TRPM1: variants seen among roughly 807,000 people sequenced by gnomAD.
TRPM1 encodes transient receptor potential cation channel subfamily M member 1, also known as TRPM1-203 APA Isoform, Intron 10.
In TRPM1, 113 loss-of-function variants were observed where a neutral mutation model predicts 149.4. The ratio of observed to expected loss-of-function variants is 0.76; its 90% CI spans 0.65 to 0.88. TRPM1 has a LOEUF of 0.88. Ranked by LOEUF, TRPM1 falls within the 40% of genes least tolerant of loss-of-function variation. The pLI, the probability that TRPM1 is intolerant of heterozygous loss-of-function variation, is 0.00. For missense variants in TRPM1, 1,976 were observed against 2,038.7 expected (o/e 0.97, Z 0.59); for synonymous variants, 741 against 759.5 (o/e 0.98, Z 0.40).
At chr15:31,138,624 G>A (rs558936369) in intron 1 of TRPM1, among the ~76,000 whole-genome samples, 65 of 152,186 alleles carry the variant, frequency 4.3e-4, no homozygotes, top group African/African-American at 1.3e-3. Context: ...TTGGGAGTCC[G>A]AGGCAGGAGG....
intron 27 of TRPM1, among the ~76,000 whole-genome samples, chr15:31,006,900 T>C (rs1467358135): frequency 6.6e-6 from 1 of 152,210 alleles, no homozygotes; most frequent in Non-Finnish European, 1.5e-5. Flanking sequence ...TTTATGTACA[T>C]ATTTAACAAC....
At chr15:31,142,655 T>G (rs1270200861) in intron 1 of TRPM1, among the ~76,000 whole-genome samples, 1 of 152,232 alleles carries the variant, frequency 6.6e-6, no homozygotes, top group African/African-American at 2.4e-5. Context: ...ATCTTATTTT[T>G]GATCAAGTCT....
intron 7 of TRPM1, among the ~76,000 whole-genome samples, chr15:31,065,809 C>T (rs959843542): frequency 6.6e-6 from 1 of 152,194 alleles, no homozygotes; most frequent in African/African-American, 2.4e-5. Flanking sequence ...CACTGGGCAA[C>T]AGGGTGGGCA....
chr15:31,020,393 A>G (rs1383678900), intron 27 of TRPM1, among the ~76,000 whole-genome samples: 1 of 152,202 alleles, frequency 6.6e-6, no homozygotes, highest in Non-Finnish European at 1.5e-5. Flanking sequence ...TTTTGGGCGC[A>G]TGGCCTCCTT....
chr15:31,009,771 G>A (rs911783734), intron 27 of TRPM1, among the ~76,000 whole-genome samples: 14 of 151,956 alleles, frequency 9.2e-5, no homozygotes, highest in African/African-American at 3.1e-4. Flanking sequence ...ATTTTCTGTT[G>A]TAATATCTTC....
chr15:31,114,955 G>A (rs2141028576), intron 1 of TRPM1, among the ~76,000 whole-genome samples: 1 of 152,326 alleles, frequency 6.6e-6, no homozygotes, highest in African/African-American at 2.4e-5. Flanking sequence ...TATCTTGCAG[G>A]AGTTAAAATA....
chr15:31,089,529 C>G (rs2035160303), intron 1 of TRPM1, among the ~76,000 whole-genome samples: 4 of 152,198 alleles, frequency 2.6e-5, no homozygotes, highest in Non-Finnish European at 5.9e-5. Flanking sequence ...TAGCACATTC[C>G]CGGGCAGCGG....
At chr15:31,117,541 G>A (rs1308874425) in intron 1 of TRPM1, among the ~76,000 whole-genome samples, 3 of 151,656 alleles carry the variant, frequency 2.0e-5, no homozygotes, top group African/African-American at 7.3e-5. Flanking sequence ...CCAGCTATCT[G>A]GGAGGCTGAG....
chr15:31,078,584 T>C (rs1356328096), intron 2 of TRPM1, among the ~76,000 whole-genome samples: 2 of 152,248 alleles, frequency 1.3e-5, no homozygotes, highest in Non-Finnish European at 2.9e-5. Flanking sequence ...TTGGTGCTTT[T>C]GTGCTAATGC....
At chr15:31,020,188 G>C (rs75491422) in intron 27 of TRPM1, among the ~76,000 whole-genome samples, 1 of 152,210 alleles carries the variant, frequency 6.6e-6, no homozygotes. Flanking sequence ...GGTTGGCCAC[G>C]AAGTGAAGCC....
chr15:31,087,231 A>AGTTTTT (rs2035026358), intron 1 of TRPM1, among the ~76,000 whole-genome samples: 1 of 59,402 alleles, frequency 1.7e-5, no homozygotes, highest in Non-Finnish European at 2.9e-5. Context: ...CTCAATAGGG[A>AGTTTTT]TTTTTTTTTT....
Position 31,066,161 on chromosome 15 carries a change from G to T in TRPM1, c.705C>A (p.Asp235Glu). The T allele has an allele frequency of 6.2e-7, 1 of 1,614,224 alleles. No individual in the cohort carries two copies. The highest frequency in any genetic ancestry group is 8.5e-7 in the Non-Finnish European group (1 of 1,180,038). Reference protein sequence around the residue: ...NNSHTHFILADNGTLGKYGAE... With the variant: ...NNSHTHFILAENGTLGKYGAE... ...CGCCATACTTGCCCAGGGTGCCATT[G>T]TCAGCCAGGATGAAGTGGGTGTGGG... The change falls in exon 7 of 28, where the codon GAC (aspartate) becomes GAA (glutamate). Residue 235 changes from aspartate to glutamate, a missense_variant. Coordinates refer to ENST00000256552, the MANE Select transcript of TRPM1 (RefSeq NM_001252024.2).
chr15:31,010,322 G>A (rs543206792), intron 27 of TRPM1, among the ~76,000 whole-genome samples: 13 of 152,290 alleles, frequency 8.5e-5, no homozygotes, highest in African/African-American at 3.1e-4. Context: ...CAGCCCAGTA[G>A]TCAGTCTGGG....
chr15:31,079,423 G>A (rs569485340), intron 2 of TRPM1, among the ~76,000 whole-genome samples: 32 of 152,350 alleles, frequency 2.1e-4, no homozygotes, highest in African/African-American at 6.7e-4. Context: ...TCACTCATGT[G>A]GTTGTTGGCC....
At chr15:31,089,237 G>A (rs73374070) in intron 1 of TRPM1, among the ~76,000 whole-genome samples, 6,171 of 152,234 alleles carry the variant, frequency 0.041, 417 homozygotes, top group African/African-American at 0.14. Flanking sequence ...TGGCCAGCGT[G>A]TCCCCCACTG....
intron 27 of TRPM1, among the ~76,000 whole-genome samples, chr15:31,005,918 G>C (rs1227190756): frequency 1.3e-5 from 2 of 152,114 alleles, no homozygotes; most frequent in Non-Finnish European, 2.9e-5. Context: ...TTTGACAAGA[G>C]CCCCACATCT....
Position 31,093,497 on chromosome 15 carries a change from A to G in TRPM1, c.-84+8160T>C, listed in dbSNP as rs191526459. Among the ~76,000 whole-genome samples the G allele has an allele frequency of 2.1e-3, 314 of 152,342 alleles. 4 individuals are homozygous for G. The highest frequency in any genetic ancestry group is 7.2e-3 in the African/African-American group (298 of 41,592). ...AAGGCCTTGTACACTGAAAGTGACAAGACCTCGCTGAAAGAAATTAAAGAA... is the reference window on the plus strand; with the variant it reads ...AAGGCCTTGTACACTGAAAGTGACAGGACCTCGCTGAAAGAAATTAAAGAA... On this transcript the variant is annotated intron_variant, in intron 1 of 27. Transcript: ENST00000256552.
rs111649153 is a variant in TRPM1, at chr15:31,002,198, C to T, written c.4502G>A (p.Arg1501His). Residue 1501 changes from arginine (R) to histidine (H), a missense_variant, in exon 28 of 28, where the codon CGC (arginine) becomes CAC (histidine). Arg to His is a conservative substitution (Grantham distance 29). Transcript: ENST00000256552. ...GTAAGGAATATCTGTGCTATGAGAG[C>T]GCGTGATCTTTTGAACTTGGCATTG... is the stretch of plus-strand genomic sequence containing the variant. ...EWQCQVQKIT[R>H]SHSTDIPYIV... 4.6e-4 allele frequency: 735 copies of T among 1,614,194 alleles called. 1 individual carries two copies. In the African/African-American group the frequency reaches 8.2e-3, roughly 18 times the overall value.
In TRPM1 at chr15:31,049,508, A is replaced by G; in HGVS notation, c.1439T>C (p.Val480Ala). ...DPRKIELLNW[V>A]NALEQAMLDA... ...TAGCATCGCTTGCTCCAAAGCATTC[A>G]CCTGCAGGGACCAAGGGCCGGGAGC... The change falls in exon 13 of 28, where the codon GTG (valine) becomes GCG (alanine). Residue 480 changes from valine to alanine, a missense_variant and splice_region_variant. Physicochemically the swap from Val to Ala is moderately conservative, Grantham distance 64. Around this residue, in one of 3 missense-constraint regions of TRPM1, gnomAD observed 1,332 missense variants for 1,347.1 expected, o/e 0.99. Coordinates refer to ENST00000256552, the MANE Select transcript of TRPM1 (RefSeq NM_001252024.2). The G allele has an allele frequency of 3.7e-6, 6 of 1,613,636 alleles. No homozygotes were observed. Among genetic ancestry groups the G allele is most frequent in the Non-Finnish European group, 5.1e-6 (6 of 1,180,002 alleles).
Sources: gnomAD v4.1 joint callset for allele counts (sites outside exome capture counted in the v4.1 genomes callset) on GRCh38, gnomAD v4.1.1 for gene constraint, gnomAD v4.1.1 regional missense constraint, MANE v1.5 for transcripts, NCBI Gene and HGNC (gene_info 2026-07-23, HGNC 2026-07-21) for gene names.